Variants in PTPRE observed in about 807,000 individuals in gnomAD.
PTPRE encodes the protein protein tyrosine phosphatase receptor type E, also known as receptor-type tyrosine-protein phosphatase epsilon.
A neutral mutation model predicts 102.0 loss-of-function variants in PTPRE; 51 were observed. The observed-to-expected ratio is 0.50, with a 90% CI of 0.40 to 0.63. The LOEUF (loss-of-function observed/expected upper bound fraction) is 0.63. Ranked by LOEUF, PTPRE falls within the 30% of genes least tolerant of loss-of-function variation. PTPRE has a pLI of 0.00. For missense variants in PTPRE, 752 were observed against 915.1 expected (o/e 0.82, Z 2.30); for synonymous variants, 345 against 348.2 (o/e 0.99, Z 0.10).
At chr10:128,061,237 T>C (rs1849563323) in intron 8 of PTPRE, among the ~76,000 whole-genome samples, 1 of 152,264 alleles carries the variant, frequency 6.6e-6, no homozygotes, top group Admixed American at 6.5e-5. Context: ...CACTACAGCA[T>C]TATGTATATT....
chr10:128,065,802 G>A (rs547598278), intron 10 of PTPRE, among the ~76,000 whole-genome samples: 1 of 152,298 alleles, frequency 6.6e-6, no homozygotes, highest in South Asian at 2.1e-4. Flanking sequence ...TAAAATGTAT[G>A]GGATTCGTGA....
chr10:127,991,201 G>T (rs572512774), intron 2 of PTPRE, among the ~76,000 whole-genome samples: 3 of 152,326 alleles, frequency 2.0e-5, no homozygotes, highest in African/African-American at 7.2e-5. Context: ...TAGACTATTT[G>T]AGCAAGATCG....
chr10:128,006,383 C>T (rs1237595221), intron 2 of PTPRE, among the ~76,000 whole-genome samples: 1 of 152,214 alleles, frequency 6.6e-6, no homozygotes, highest in Non-Finnish European at 1.5e-5. Context: ...CGCCTAATCA[C>T]CTAATCAACT....
chr10:128,059,058 G>T (rs1849267533), intron 7 of PTPRE, among the ~76,000 whole-genome samples: 1 of 152,202 alleles, frequency 6.6e-6, no homozygotes, highest in Non-Finnish European at 1.5e-5. Context: ...AATGTGAAGT[G>T]TGACTTTTTA....
intron 2 of PTPRE, chr10:127,999,217 A>G (rs1291127716): frequency 6.6e-6 from 1 of 152,150 alleles, no homozygotes; most frequent in East Asian, 1.9e-4. Context: ...ATCTCATGTT[A>G]AATGTTGTTA....
intron 2 of PTPRE, chr10:127,999,482 G>A: frequency 5.2e-6 from 5 of 961,850 alleles, no homozygotes; most frequent in Non-Finnish European, 6.2e-6. Flanking sequence ...CTCGTCCTGG[G>A]AGCAGGGCGC....
intron 1 of PTPRE, among the ~76,000 whole-genome samples, chr10:127,927,584 C>T (rs1266637085): frequency 6.6e-6 from 1 of 152,170 alleles, no homozygotes; most frequent in Non-Finnish European, 1.5e-5. Context: ...CAACCCAGGG[C>T]ATCTCTGCAG....
intron 1 of PTPRE, among the ~76,000 whole-genome samples, chr10:127,949,633 C>T (rs1257324465): frequency 5.9e-5 from 9 of 152,192 alleles, no homozygotes; most frequent in African/African-American, 1.9e-4. Flanking sequence ...GCTCCTAGCA[C>T]GGCTAAACCA....
At chr10:127,937,736 G>A (rs979335056) in intron 1 of PTPRE, among the ~76,000 whole-genome samples, 1 of 152,190 alleles carries the variant, frequency 6.6e-6, no homozygotes, top group African/African-American at 2.4e-5. Context: ...GCACATGCCT[G>A]TAATTACAGC....
At chr10:127,987,513 G>A (rs996793833) in intron 2 of PTPRE, 15 of 401,644 alleles carry the variant, frequency 3.7e-5, no homozygotes, top group East Asian at 1.6e-4. Context: ...GGAAGGCGTC[G>A]TTAAATGAAA....
chr10:128,055,661 C>T (rs564794673), intron 6 of PTPRE, among the ~76,000 whole-genome samples: 5 of 152,260 alleles, frequency 3.3e-5, no homozygotes, highest in African/African-American at 9.6e-5. Flanking sequence ...CTCCCAGGAC[C>T]GCTCTATTCA....
rs1554951767 is a variant in PTPRE at position 128,082,195 on chromosome 10, C to CTCTCTTTTT, written c.2029-636_2029-635insCTCTTTTTT. On this transcript the variant is annotated intron_variant, in intron 20 of 20. Coordinates refer to ENST00000254667, the MANE Select transcript of PTPRE (RefSeq NM_006504.6). Reference sequence around the variant, plus strand: ...TTAGTACTCTGATTTTTTTCTCTTTCTTTTTTTTTTTTTTTTTTTTTTTTT... The same window carrying CTCTCTTTTT: ...TTAGTACTCTGATTTTTTTCTCTTTCTCTCTTTTTTTTTTTTTTTTTTTTTTTTTTTTTT... Among the ~76,000 whole-genome samples, 40 of 89,062 alleles carry CTCTCTTTTT rather than the reference C, an allele frequency of 4.5e-4. 5 individuals carry two copies. The highest frequency in any genetic ancestry group is 6.8e-4 in the African/African-American group (15 of 22,008). 58.4% of individuals were successfully genotyped at this position (89,062 alleles called of 152,430 possible).
rs372885398 is a variant in PTPRE, at chr10:128,069,843, C to T, written c.1143+16C>T. On this transcript the variant is annotated intron_variant, in intron 13 of 20. Transcript: ENST00000254667. ...TCAAACGGATGTGAGTCATGCCTTCCTCTTGCCCTGATCTAGCTTCCCAAA... is the reference window on the plus strand; with the variant it reads ...TCAAACGGATGTGAGTCATGCCTTCTTCTTGCCCTGATCTAGCTTCCCAAA... 1.2e-6 allele frequency: 2 copies of T among 1,614,138 alleles called. No individual in the cohort carries two copies. The highest frequency in any genetic ancestry group is 1.7e-5 in the Admixed American group (1 of 60,012).
chr10:128,079,773 G>A (rs1851541918), intron 20 of PTPRE, 78 bp downstream of exon 20: 1 of 1,506,650 alleles, frequency 6.6e-7, no homozygotes, highest in Non-Finnish European at 9.1e-7. Flanking sequence ...TTCATTAAAG[G>A]ACCTTAAGTA....
intron 15 of PTPRE, chr10:128,071,727 C>A: frequency 5.9e-6 from 1 of 170,268 alleles, no homozygotes; most frequent in South Asian, 1.3e-4. Context: ...AGCAGGGTCT[C>A]CCCGAGCACT....
At chr10:128,004,246 G>T (rs1399591274) in intron 2 of PTPRE, among the ~76,000 whole-genome samples, 1 of 151,214 alleles carries the variant, frequency 6.6e-6, no homozygotes, top group African/African-American at 2.4e-5. Context: ...ATCCCAAAGC[G>T]CAGTACATGT....
chr10:128,013,856 C>G (rs1306689862), intron 2 of PTPRE, among the ~76,000 whole-genome samples: 4 of 152,186 alleles, frequency 2.6e-5, no homozygotes, highest in African/African-American at 9.6e-5. Flanking sequence ...GCTGGGCTGA[C>G]TAAGACAGTG....
chr10:127,920,353 C>CT (rs1277577556), intron 1 of PTPRE, among the ~76,000 whole-genome samples: 5 of 152,140 alleles, frequency 3.3e-5, no homozygotes, highest in Non-Finnish European at 5.9e-5. Context: ...TTGGGTCTGG[C>CT]TGAGGGTCCA....
intron 2 of PTPRE, among the ~76,000 whole-genome samples, chr10:127,997,803 G>A (rs1036295739): frequency 3.3e-5 from 5 of 152,132 alleles, no homozygotes; most frequent in Admixed American, 2.0e-4. Context: ...ATAATAATAC[G>A]AATTCTGTCC....
Sources: allele counts gnomAD v4.1 joint callset (sites outside exome capture counted in the v4.1 genomes callset), GRCh38; gene constraint gnomAD v4.1.1; transcripts MANE v1.5; gene names NCBI Gene and HGNC (gene_info 2026-07-23, HGNC 2026-07-21).